The following MACROD2 variants were observed in gnomAD, a reference collection of about 807,000 sequenced individuals.
MACROD2 encodes ADP-ribose glycohydrolase MACROD2.
In MACROD2, 36 loss-of-function variants were observed where a neutral mutation model predicts 70.4. The ratio of observed to expected loss-of-function variants is 0.51; its 90% CI spans 0.39 to 0.68. MACROD2 has a LOEUF of 0.68. Among genes scored for constraint, MACROD2 ranks in the 30% least tolerant of loss-of-function variants. The probability of loss-of-function intolerance (pLI) is 0.00; values close to 1 mark genes in which losing one functional copy is unlikely to be tolerated. For synonymous variants in MACROD2, 172 were observed against 178.8 expected, an observed-to-expected ratio of 0.96 and a Z score of 0.30; for missense variants, 496 against 538.4, an observed-to-expected ratio of 0.92 and a Z score of 0.78.
intron 5 of MACROD2, among the ~76,000 whole-genome samples, chr20:15,000,451 G>A (rs1026669408): frequency 2.2e-5 from 3 of 133,994 alleles, no homozygotes; most frequent in Admixed American, 7.4e-5. Flanking sequence ...GTGAAACCCC[G>A]TCTCTACTAA....
chr20:14,344,200 A>G (rs1292722737), intron 3 of MACROD2, among the ~76,000 whole-genome samples: 1 of 152,174 alleles, frequency 6.6e-6, no homozygotes, highest in Non-Finnish European at 1.5e-5. Flanking sequence ...ATTGCCCTTC[A>G]TTGGCACTGT....
At chr20:14,087,073 C>G (rs184589890) in intron 3 of MACROD2, among the ~76,000 whole-genome samples, 2 of 152,200 alleles carry the variant, frequency 1.3e-5, no homozygotes, top group African/African-American at 4.8e-5. Context: ...TTCAGAATAC[C>G]GGTCAGCTTG....
intron 5 of MACROD2, among the ~76,000 whole-genome samples, chr20:14,886,880 C>A (rs749085745): frequency 6.6e-6 from 1 of 152,118 alleles, no homozygotes; most frequent in Non-Finnish European, 1.5e-5. Flanking sequence ...GCCATCATGG[C>A]AGCCTTCTTT....
chr20:14,182,630 T>C (rs747207107), intron 3 of MACROD2, among the ~76,000 whole-genome samples: 3 of 152,206 alleles, frequency 2.0e-5, no homozygotes, highest in South Asian at 2.1e-4. Context: ...TTAGCTCTTA[T>C]ATTTAGGTCT....
rs149983455 is a variant in MACROD2, at chr20:15,991,146, C to T, written c.1153+3988C>T. Among the ~76,000 whole-genome samples, 555 of 152,262 alleles carry T rather than the reference C, an allele frequency of 3.6e-3. 3 individuals are homozygous for T. Among genetic ancestry groups the T allele is most frequent in the African/African-American group, 0.012 (491 of 41,544 alleles). On this transcript the variant is annotated intron_variant, in intron 15 of 17. Coordinates refer to ENST00000684519, the MANE Select transcript of MACROD2 (RefSeq NM_001351661.2). ...ATACTTTAAAGGGGGAGGGGAATGC[C>T]TTTTAGCTCAAGGTGGGTTTACACA...
chr20:15,968,315 C>T (rs2066173559), intron 13 of MACROD2, among the ~76,000 whole-genome samples: 1 of 152,090 alleles, frequency 6.6e-6, no homozygotes, highest in African/African-American at 2.4e-5. Context: ...TTCCAGAGCT[C>T]AAAAGGGCAC....
chr20:15,594,025 A>G (rs575253957), intron 8 of MACROD2, among the ~76,000 whole-genome samples: 4 of 152,032 alleles, frequency 2.6e-5, no homozygotes, highest in South Asian at 4.1e-4. Flanking sequence ...ACACATATCT[A>G]TCTGTGTGTT....
intron 6 of MACROD2, among the ~76,000 whole-genome samples, chr20:15,273,044 G>A (rs2077359275): frequency 6.6e-6 from 1 of 152,090 alleles, no homozygotes; most frequent in South Asian, 2.1e-4. Flanking sequence ...CTACTGGGAT[G>A]GGTAATACTG....
intron 3 of MACROD2, among the ~76,000 whole-genome samples, chr20:14,360,888 T>C (rs993318891): frequency 3.9e-5 from 6 of 152,340 alleles, no homozygotes; most frequent in African/African-American, 1.4e-4. Flanking sequence ...AATTATTACT[T>C]AATTTCTAGC....
chr20:15,228,487 CTTTTTTTTTT>C (rs527508760), intron 5 of MACROD2, among the ~76,000 whole-genome samples: 7 of 118,010 alleles, frequency 5.9e-5, no homozygotes, highest in African/African-American at 2.3e-4. Context: ...TTCCTTCTTT[CTTTTTTTTTT>C]TTTTTTTTTG....
At chr20:14,156,634 T>G (rs11696882) in intron 3 of MACROD2, among the ~76,000 whole-genome samples, 1 of 152,234 alleles carries the variant, frequency 6.6e-6, no homozygotes, top group Non-Finnish European at 1.5e-5. Flanking sequence ...CAATTTTATT[T>G]ATGCTGTTTT....
chr20:15,504,998 T>A (rs1242836396), intron 8 of MACROD2, among the ~76,000 whole-genome samples: 1 of 152,214 alleles, frequency 6.6e-6, no homozygotes, highest in East Asian at 1.9e-4. Context: ...CCCCTGCTCA[T>A]ATCTGAAAGT....
chr20:14,052,176 G>A (rs1367499871), intron 2 of MACROD2, among the ~76,000 whole-genome samples: 7 of 152,060 alleles, frequency 4.6e-5, no homozygotes, highest in Non-Finnish European at 7.4e-5. Flanking sequence ...AGAGAAATTA[G>A]GAAAGAATAT....
intron 4 of MACROD2, among the ~76,000 whole-genome samples, chr20:14,594,425 A>T (rs929633791): frequency 6.6e-6 from 1 of 152,240 alleles, no homozygotes; most frequent in African/African-American, 2.4e-5. Context: ...TCATAATCAA[A>T]TAGATACGTT....
intron 2 of MACROD2, among the ~76,000 whole-genome samples, chr20:14,069,810 T>G (rs1264902874): frequency 6.6e-6 from 1 of 151,450 alleles, no homozygotes; most frequent in Non-Finnish European, 1.5e-5. Context: ...CTTTTCCATG[T>G]GATTTACTTT....
chr20:15,172,681 A>G (rs111670318), intron 5 of MACROD2, among the ~76,000 whole-genome samples: 42 of 152,292 alleles, frequency 2.8e-4, no homozygotes, highest in African/African-American at 9.9e-4. Flanking sequence ...AAGTTCTTAC[A>G]TTAGAGGCGT....
At chr20:15,672,864 A>G (rs913354111) in intron 8 of MACROD2, among the ~76,000 whole-genome samples, 1 of 152,082 alleles carries the variant, frequency 6.6e-6, no homozygotes, top group African/African-American at 2.4e-5. Context: ...GCCCGGTGGT[A>G]GGTAATTGAA....
chr20:15,424,668 T>C (rs576009925), intron 6 of MACROD2, among the ~76,000 whole-genome samples: 54 of 152,166 alleles, frequency 3.5e-4, no homozygotes, highest in Admixed American at 2.2e-3. Context: ...TGCAGTATGA[T>C]AGGACTGCAC....
chr20:15,947,706 A>T (rs2065844034), intron 12 of MACROD2, among the ~76,000 whole-genome samples: 1 of 152,158 alleles, frequency 6.6e-6, no homozygotes, highest in South Asian at 2.1e-4. Context: ...TATTTGTTTA[A>T]TCAAAAGGAA....
Sources: allele counts gnomAD v4.1 joint callset (sites outside exome capture counted in the v4.1 genomes callset), GRCh38; gene constraint gnomAD v4.1.1; transcripts MANE v1.5; gene names NCBI Gene and HGNC (gene_info 2026-07-23, HGNC 2026-07-21).